Variants in KLHL20 observed in about 807,000 individuals in gnomAD.
KLHL20 encodes kelch-like protein 20.
In KLHL20, 29 loss-of-function variants were observed where a neutral mutation model predicts 69.5. The observed-to-expected ratio is 0.42, with a 90% CI of 0.31 to 0.57. The LOEUF is 0.57. KLHL20 is among the 20% of genes least tolerant of loss of function. The probability of loss-of-function intolerance (pLI) is 0.18; values close to 1 mark genes in which losing one functional copy is unlikely to be tolerated. For synonymous variants in KLHL20, 253 were observed against 265.2 expected (o/e 0.95, Z 0.45); for missense variants, 419 against 776.0 (o/e 0.54, Z 5.47).
Position 173,753,328 on chromosome 1 carries a change from G to A in KLHL20, c.851+21G>A, listed in dbSNP as rs191015774. 7.1e-6 allele frequency: 11 copies of A among 1,557,922 alleles called. No individual in the cohort carries two copies. In the East Asian group the frequency reaches 2.0e-4, roughly 29 times the overall value. ...TGCAGGTATGAGTGACCCTGGATGG[G>A]AAAAATCAACAACTAAGCATTCCTA... On this transcript the variant is annotated intron_variant, in intron 5 of 11. Coordinates refer to ENST00000209884, the MANE Select transcript of KLHL20 (RefSeq NM_014458.4).
intron 2 of KLHL20, among the ~76,000 whole-genome samples, chr1:173,724,828 CTT>C (rs1671883467): frequency 6.6e-6 from 1 of 151,990 alleles, no homozygotes; most frequent in Non-Finnish European, 1.5e-5. Flanking sequence ...AAATTTGTAT[CTT>C]ATATATTATC....
intron 9 of KLHL20, among the ~76,000 whole-genome samples, chr1:173,775,213 A>G (rs1648378831): frequency 6.6e-6 from 1 of 152,208 alleles, no homozygotes; most frequent in Non-Finnish European, 1.5e-5. Flanking sequence ...TCTTCTCTTC[A>G]GAAGCTTAAA....
intron 2 of KLHL20, among the ~76,000 whole-genome samples, chr1:173,726,616 G>A (rs1571854712): frequency 6.6e-6 from 1 of 152,244 alleles, no homozygotes; most frequent in Middle Eastern, 3.4e-3. Context: ...TGCAGCCTCC[G>A]CAGCTGATAC....
chr1:173,733,676 A>T (rs1170930041), intron 2 of KLHL20, 37 bp from the exon 3 acceptor site: 1 of 1,426,428 alleles, frequency 7.0e-7, no homozygotes, highest in South Asian at 1.3e-5. Context: ...TTATAATAAT[A>T]CTGCCATCTT....
At chr1:173,745,295 T>C (rs1673004779) in intron 3 of KLHL20, among the ~76,000 whole-genome samples, 1 of 150,642 alleles carries the variant, frequency 6.6e-6, no homozygotes, top group Non-Finnish European at 1.5e-5. Flanking sequence ...CCCGGGAAGC[T>C]GAGATTACAG....
At chr1:173,744,525 T>C (rs10158663) in intron 3 of KLHL20, among the ~76,000 whole-genome samples, 13,714 of 144,562 alleles carry the variant, frequency 0.095, 2,003 homozygotes, top group African/African-American at 0.32. Context: ...TCTTTTATGG[T>C]ATCTGGATTT....
At chr1:173,729,505 C>T (rs538892373) in intron 2 of KLHL20, among the ~76,000 whole-genome samples, 1 of 152,306 alleles carries the variant, frequency 6.6e-6, no homozygotes, top group Non-Finnish European at 1.5e-5. Flanking sequence ...TCCAGCAGCA[C>T]ATCAAGAAGC....
At chr1:173,764,001 T>C (rs1049828089) in intron 7 of KLHL20, among the ~76,000 whole-genome samples, 3 of 151,692 alleles carry the variant, frequency 2.0e-5, no homozygotes, top group African/African-American at 7.3e-5. Flanking sequence ...ACAACTAATA[T>C]CCAGAATCTA....
chr1:173,728,335 G>A (rs553527750), intron 2 of KLHL20, among the ~76,000 whole-genome samples: 20 of 152,184 alleles, frequency 1.3e-4, no homozygotes, highest in South Asian at 1.0e-3. Context: ...ACAGATCAAC[G>A]AGACAGAAAG....
At chr1:173,740,951 G>A (rs1672783398) in intron 3 of KLHL20, among the ~76,000 whole-genome samples, 1 of 152,200 alleles carries the variant, frequency 6.6e-6, no homozygotes, top group African/African-American at 2.4e-5. Flanking sequence ...GTGAGATAAA[G>A]TCAGAAATGG....
At chr1:173,731,755 C>A (rs1384779724) in intron 2 of KLHL20, among the ~76,000 whole-genome samples, 2 of 151,426 alleles carry the variant, frequency 1.3e-5, no homozygotes, top group African/African-American at 2.4e-5. Context: ...AGGAGATATA[C>A]CTAATGTTAA....
intron 2 of KLHL20, among the ~76,000 whole-genome samples, chr1:173,731,126 TCAC>T (rs889874625): frequency 1.5e-4 from 23 of 152,326 alleles, no homozygotes; most frequent in Admixed American, 1.2e-3. Flanking sequence ...ATGCTCATCA[TCAC>T]TGGCCATCAG....
rs1417053181 is a variant in KLHL20, at chr1:173,779,992, A to G, written c.1639-2132A>G. Among the ~76,000 whole-genome samples, 5 of 152,340 alleles carry G rather than the reference A, an allele frequency of 3.3e-5. No homozygotes were observed. In the East Asian group the frequency reaches 7.7e-4, roughly 24 times the overall value. ...GTTTGCTGAGAGCAAAATATAACCC[A>G]TTAACCACTGATCATGTCAGGAGTT... On this transcript the variant is annotated intron_variant, in intron 10 of 11. Coordinates refer to ENST00000209884, the MANE Select transcript of KLHL20 (RefSeq NM_014458.4).
chr1:173,719,495 C>T (rs1382031870), intron 2 of KLHL20, among the ~76,000 whole-genome samples: 1 of 151,928 alleles, frequency 6.6e-6, no homozygotes. Context: ...CCTGTAGTCC[C>T]AGCTACAGTG....
intron 3 of KLHL20, among the ~76,000 whole-genome samples, chr1:173,739,427 CTTTT>C (rs202229872): frequency 6.6e-6 from 1 of 150,946 alleles, no homozygotes; most frequent in Non-Finnish European, 1.5e-5. Flanking sequence ...TGGTCCTGGA[CTTTT>C]TTTTTGTTAG....
rs1386914542 is a variant in KLHL20 at position 173,774,290 on chromosome 1, T to C, written c.1296-15T>C. 6.2e-7 allele frequency: 1 copy of C among 1,614,130 alleles called. No individual in the cohort carries two copies. On this transcript the variant is annotated splice_polypyrimidine_tract_variant and intron_variant, in intron 8 of 11. Transcript: ENST00000209884. ...TAATAAGAACAAGCATACAGTCTGGTTTCCCTCACTGCAGGTATGATCCGA... is the reference window on the plus strand; with the variant it reads ...TAATAAGAACAAGCATACAGTCTGGCTTCCCTCACTGCAGGTATGATCCGA...
chr1:173,769,228 C>A (rs908800006), intron 8 of KLHL20, among the ~76,000 whole-genome samples: 6 of 151,940 alleles, frequency 3.9e-5, no homozygotes, highest in Admixed American at 3.9e-4. Flanking sequence ...GTTGTGACAA[C>A]CAAAAACAGT....
chr1:173,750,056 C>T (rs754707823), intron 3 of KLHL20, among the ~76,000 whole-genome samples: 1 of 151,792 alleles, frequency 6.6e-6, no homozygotes, highest in Non-Finnish European at 1.5e-5. Flanking sequence ...CAAACTAAGC[C>T]GCCCTACCAC....
intron 2 of KLHL20, among the ~76,000 whole-genome samples, chr1:173,724,890 A>T (rs1671885973): frequency 6.6e-6 from 1 of 152,236 alleles, no homozygotes; most frequent in Non-Finnish European, 1.5e-5. Context: ...TTTTATAAGT[A>T]CTTAAAGGTA....
Sources: allele counts gnomAD v4.1 joint callset (sites outside exome capture counted in the v4.1 genomes callset), GRCh38; gene constraint gnomAD v4.1.1; transcripts MANE v1.5; gene names NCBI Gene and HGNC (gene_info 2026-07-23, HGNC 2026-07-21).